The following UTS2 variants were observed in gnomAD, a reference collection of about 807,000 sequenced individuals.
UTS2 encodes the protein urotensin 2.
Under a neutral mutation model 12.6 loss-of-function variants are expected in UTS2, and 10 were observed. The observed-to-expected ratio is 0.80, with a 90% confidence interval of 0.49 to 1.35. UTS2 has a LOEUF of 1.35. Ranked by LOEUF, UTS2 falls within the 40% of genes most tolerant of loss-of-function variation. UTS2 has a pLI of 0.00. For synonymous variants in UTS2, 52 were observed against 50.0 expected, an observed-to-expected ratio of 1.04 and a Z score of -0.17; for missense variants, 142 against 143.2, an observed-to-expected ratio of 0.99 and a Z score of 0.04.
chr1:7,861,892 T>G, the UTS2 span, among the ~76,000 whole-genome samples: 25,916 of 151,788 alleles, frequency 0.17, 2,864 homozygotes, highest in South Asian at 0.25. Context: ...ATGGCCAGAA[T>G]ACTGGTTTCT....
At chr1:7,862,362 T>G in the UTS2 span, among the ~76,000 whole-genome samples, 1 of 152,072 alleles carries the variant, frequency 6.6e-6, no homozygotes, top group Non-Finnish European at 1.5e-5. Flanking sequence ...TTACTGTTGC[T>G]GTAAGAGAAT....
the UTS2 span, among the ~76,000 whole-genome samples, chr1:7,878,423 G>C: frequency 6.6e-6 from 1 of 152,104 alleles, no homozygotes; most frequent in Non-Finnish European, 1.5e-5. Context: ...CAACCAAACT[G>C]TAATGATAAG....
At chr1:7,885,916 G>T in the UTS2 span, among the ~76,000 whole-genome samples, 1 of 85,878 alleles carries the variant, frequency 1.2e-5, no homozygotes, top group African/African-American at 5.1e-5. Flanking sequence ...GGTGGGGGGG[G>T]GCGGGTGGAG....
chr1:7,889,241 T>C, the UTS2 span, among the ~76,000 whole-genome samples: 1 of 98,490 alleles, frequency 1.0e-5, no homozygotes, highest in Non-Finnish European at 1.9e-5. Context: ...CTGGGCAACA[T>C]AGGAAGACCT....
At chr1:7,863,237 G>A in the UTS2 span, among the ~76,000 whole-genome samples, 9 of 151,748 alleles carry the variant, frequency 5.9e-5, no homozygotes, top group South Asian at 2.1e-4. Context: ...TCAGCCTCCC[G>A]AGTAGCTGGG....
chr1:7,899,015 A>G, the UTS2 span, among the ~76,000 whole-genome samples: 1 of 152,162 alleles, frequency 6.6e-6, no homozygotes, highest in African/African-American at 2.4e-5. Context: ...GCCCTGGGAA[A>G]CTTACAATCA....
At chr1:7,850,024 C>T (rs895851367) in intron 2 of UTS2, among the ~76,000 whole-genome samples, 4 of 149,188 alleles carry the variant, frequency 2.7e-5, no homozygotes, top group African/African-American at 9.8e-5. Context: ...GGCTGGAGTG[C>T]AGTGGTGAGA....
the UTS2 span, among the ~76,000 whole-genome samples, chr1:7,906,582 C>A: frequency 6.6e-6 from 1 of 151,936 alleles, no homozygotes; most frequent in Non-Finnish European, 1.5e-5. Flanking sequence ...CCCTACTACC[C>A]CCTTGAAATT....
At chr1:7,910,687 A>T in the UTS2 span, among the ~76,000 whole-genome samples, 3 of 152,242 alleles carry the variant, frequency 2.0e-5, 1 homozygote, top group Admixed American at 6.5e-5. Context: ...GCAAAGAAGA[A>T]ATTTTCCACT....
the UTS2 span, among the ~76,000 whole-genome samples, chr1:7,906,917 G>C: frequency 6.6e-6 from 1 of 152,084 alleles, no homozygotes; most frequent in South Asian, 2.1e-4. Flanking sequence ...AGACACATAC[G>C]ATCATTATTA....
the UTS2 span, among the ~76,000 whole-genome samples, chr1:7,885,130 TCATCCATCCATCCATCCATC>T: frequency 1.3e-5 from 2 of 150,210 alleles, no homozygotes; most frequent in African/African-American, 4.9e-5. Flanking sequence ...CACCCACCTA[TCATCCATCCATCCATCCATC>T]CATCCATCCA....
At chr1:7,881,548 A>T in the UTS2 span, among the ~76,000 whole-genome samples, 54 of 152,204 alleles carry the variant, frequency 3.5e-4, no homozygotes, top group Admixed American at 3.4e-3. Context: ...TAAAATAAAT[A>T]AAAAATCTAG....
the UTS2 span, among the ~76,000 whole-genome samples, chr1:7,862,164 C>T: frequency 6.6e-6 from 1 of 151,800 alleles, no homozygotes; most frequent in Admixed American, 6.6e-5. Flanking sequence ...TCCCCCCCCG[C>T]CCCCGCAACT....
the UTS2 span, among the ~76,000 whole-genome samples, chr1:7,904,505 A>G: frequency 6.6e-6 from 1 of 151,958 alleles, no homozygotes; most frequent in African/African-American, 2.4e-5. Flanking sequence ...AAAAAAGTAA[A>G]GACGTGTAGT....
chr1:7,861,929 T>C, the UTS2 span, among the ~76,000 whole-genome samples: 1 of 151,648 alleles, frequency 6.6e-6, no homozygotes, highest in Non-Finnish European at 1.5e-5. Flanking sequence ...TTTTTTTTTT[T>C]CTGAGATGGA....
chr1:7,858,446 G>A (rs921400517), upstream of UTS2, among the ~76,000 whole-genome samples: 1 of 152,132 alleles, frequency 6.6e-6, no homozygotes, highest in Non-Finnish European at 1.5e-5. Context: ...TTTGTCTATG[G>A]AGCACTCCCA....
At chr1:7,895,078 T>TTAGGCC in the UTS2 span, among the ~76,000 whole-genome samples, 108 of 149,142 alleles carry the variant, frequency 7.2e-4, no homozygotes, top group Non-Finnish European at 7.1e-4. Context: ...TCGGTTAAAA[T>TTAGGCC]TAGGCCTAGG....
the UTS2 span, among the ~76,000 whole-genome samples, chr1:7,899,916 G>A: frequency 5.9e-5 from 9 of 152,162 alleles, no homozygotes; most frequent in Non-Finnish European, 1.5e-5. Context: ...CAGGCTCACT[G>A]TGTGACTGTC....
chr1:7,852,315 G>T (rs1206989076), intron 1 of UTS2, among the ~76,000 whole-genome samples: 1 of 152,250 alleles, frequency 6.6e-6, no homozygotes, highest in East Asian at 1.9e-4. Flanking sequence ...CTACTTGACT[G>T]ATGTGTATTT....
Sources: allele counts gnomAD v4.1 joint callset (sites outside exome capture counted in the v4.1 genomes callset), GRCh38; gene constraint gnomAD v4.1.1; transcripts MANE v1.5; gene names NCBI Gene and HGNC (gene_info 2026-07-23, HGNC 2026-07-21).